CNGB1: variants seen among roughly 807,000 people sequenced by gnomAD.
CNGB1 encodes the protein cyclic nucleotide gated channel subunit beta 1, also known as cyclic nucleotide-gated channel beta-1.
In CNGB1, 126 loss-of-function variants were observed where a neutral mutation model predicts 151.7. The ratio of observed to expected loss-of-function variants is 0.83; its 90% CI spans 0.72 to 0.96. The LOEUF is 0.96. CNGB1 is among the 40% of genes least tolerant of loss of function. The probability of loss-of-function intolerance (pLI) is 0.00; values close to 1 mark genes in which losing one functional copy is unlikely to be tolerated. For missense variants in CNGB1, 1,698 were observed against 1,627.0 expected, an observed-to-expected ratio of 1.04 and a Z score of -0.75; for synonymous variants, 623 against 635.1, an observed-to-expected ratio of 0.98 and a Z score of 0.29.
chr16:57,917,612 G>C, intron 20 of CNGB1, 136 bp from the exon 21 acceptor site: 3 of 706,450 alleles, frequency 4.2e-6, no homozygotes, highest in Non-Finnish European at 7.5e-6. Flanking sequence ...GTGTATGTGT[G>C]TGTGTGTGTA....
intron 16 of CNGB1, among the ~76,000 whole-genome samples, chr16:57,938,813 A>G (rs1027734136): frequency 6.6e-6 from 1 of 152,174 alleles, no homozygotes; most frequent in African/African-American, 2.4e-5. Context: ...TCCAGGGTCC[A>G]GCTGTTGCTG....
intron 16 of CNGB1, among the ~76,000 whole-genome samples, chr16:57,932,665 C>T (rs1378904981): frequency 8.2e-5 from 12 of 146,864 alleles, no homozygotes; most frequent in Admixed American, 6.8e-4. Flanking sequence ...TTGCAAGCTC[C>T]GCCTCCCAGG....
At chr16:57,905,335 C>T (rs532265062) in intron 25 of CNGB1, among the ~76,000 whole-genome samples, 2 of 151,538 alleles carry the variant, frequency 1.3e-5, no homozygotes, top group Admixed American at 1.3e-4. Context: ...TTCTGACCCG[C>T]CCCTACCCGG....
At position 57,923,322 on chromosome 16, in the gene CNGB1, C is replaced by T; in HGVS notation, c.1594G>A (p.Glu532Lys). ...TCAGACCAGGCAACCACTGGGGACT[C>T]TGCTGGTGACAACGCCTTGAGCTCT... ...AEELKALSPA[E>K]SPVVAWSDPT... The change falls in exon 18 of 33, where the codon GAG becomes AAG. Residue 532 changes from glutamate to lysine, a missense_variant. Transcript: ENST00000251102. 6.2e-7 allele frequency: 1 copy of T among 1,613,276 alleles called. No homozygotes were observed. Among genetic ancestry groups the T allele is most frequent in the Non-Finnish European group, 8.5e-7 (1 of 1,179,740 alleles).
At chr16:57,965,629 CAT>C (rs1252210902) in intron 2 of CNGB1, among the ~76,000 whole-genome samples, 2 of 151,880 alleles carry the variant, frequency 1.3e-5, no homozygotes, top group Non-Finnish European at 2.9e-5. Flanking sequence ...TATATATACA[CAT>C]GTGGAGACAG....
rs907059172 is a variant in CNGB1, at chr16:57,936,558, C to T, written c.1372+2872G>A. ...CTGTAATCCCAGCACTTTGGGAGGC[C>T]GAGGTGGGCAGATCATTTGATATCA... On this transcript the variant is annotated intron_variant, in intron 16 of 32. Transcript: ENST00000251102. 2.0e-5 allele frequency among the ~76,000 whole-genome samples: 3 copies of T among 152,176 alleles called. No individual in the cohort carries two copies. In the East Asian group the frequency reaches 5.8e-4, roughly 29 times the overall value.
At chr16:57,896,713 AAAATAAAT>A (rs3038249) in intron 31 of CNGB1, among the ~76,000 whole-genome samples, 8,064 of 136,962 alleles carry the variant, frequency 0.059, 267 homozygotes, top group Admixed American at 0.092. Flanking sequence ...ACTCTGTCTC[AAAATAAAT>A]AAATAAATAA....
In CNGB1 at chr16:57,901,400, C is replaced by T. The variant is rs1484699534; in HGVS notation, c.2928G>A (p.Lys976=). 11 of 1,614,070 alleles carry T rather than the reference C, an allele frequency of 6.8e-6. No individual in the cohort carries two copies. Among genetic ancestry groups the T allele is most frequent in the Non-Finnish European group, 9.3e-6 (11 of 1,180,048 alleles). Residue 976 remains lysine (K), a synonymous_variant, in exon 29 of 33, where the codon AAG becomes AAA. Transcript: ENST00000251102. ...CDRQMIFDML[K]RLRSVVYLPN... The stretch of plus-strand genomic sequence containing the variant: ...GCAGGTAGACAACAGAGCGAAGCCT[C>T]TTCAGCATGTCAAAGATCATCTGCC...
intron 13 of CNGB1, among the ~76,000 whole-genome samples, 183 bp from the exon 14 acceptor site, chr16:57,949,622 C>T (rs1156801089): frequency 7.2e-5 from 11 of 152,208 alleles, no homozygotes; most frequent in Admixed American, 7.2e-4. Flanking sequence ...AACAAACCCT[C>T]TCCTCTGCAT....
At chr16:57,941,633 T>G (rs1453527650) in intron 14 of CNGB1, among the ~76,000 whole-genome samples, 1 of 152,154 alleles carries the variant, frequency 6.6e-6, no homozygotes, top group Admixed American at 6.5e-5. Context: ...GAAAAAGTAA[T>G]TGACAACATT....
In CNGB1 at chr16:57,959,588, C is replaced by T. The variant is rs141680914; in HGVS notation, c.761+300G>A. On this transcript the variant is annotated intron_variant, in intron 10 of 32. Coordinates refer to ENST00000251102, the MANE Select transcript of CNGB1 (RefSeq NM_001297.5). The stretch of plus-strand genomic sequence containing the variant: ...CTGCATTCCAGCCTAGGAGACAGAG[C>T]GAGACTCGGTCTCAAAAAAACAAAC... Among the ~76,000 whole-genome samples the T allele has an allele frequency of 3.1e-3, 447 of 145,950 alleles. 1 individual carries two copies. Among genetic ancestry groups the T allele is most frequent in the African/African-American group, 0.011 (420 of 39,956 alleles).
chr16:57,892,926 T>C (rs1191559731), intron 31 of CNGB1, among the ~76,000 whole-genome samples: 3 of 152,160 alleles, frequency 2.0e-5, no homozygotes, highest in African/African-American at 7.2e-5. Flanking sequence ...TGGCTTTGTG[T>C]TTCCTCGTAG....
rs1960722530 is a variant in CNGB1 at position 57,911,801 on chromosome 16, T to C, written c.2444A>G (p.Tyr815Cys). ...CCAGTGAGTGGAGCCGAGGCCCTGA[T>C]AGGCCGATGCCCAGTAATAAAGACA... is the stretch of plus-strand genomic sequence containing the variant. ...NSCLYYWASA[Y>C]QGLGSTHWVY... Residue 815 changes from tyrosine to cysteine, a missense_variant, in exon 25 of 33, where the codon TAT becomes TGT. Transcript: ENST00000251102. 1 of 1,614,090 alleles carries C rather than the reference T, an allele frequency of 6.2e-7. No individual in the cohort carries two copies. Among genetic ancestry groups the C allele is most frequent in the Middle Eastern group, 1.7e-4 (1 of 6,058 alleles).
intron 17 of CNGB1, among the ~76,000 whole-genome samples, chr16:57,928,571 T>A (rs1328108628): frequency 1.3e-5 from 2 of 152,258 alleles, no homozygotes; most frequent in East Asian, 1.9e-4. Context: ...AAAAACACCA[T>A]CTTGGGTGGT....
At position 57,887,816 on chromosome 16, in the gene CNGB1, T is replaced by C. The variant is rs1959972500; in HGVS notation, c.3462+39A>G. ...CCCTTGGCCTTCTCCCTGACACATA[T>C]TGAAATGAACGTGGTGGCTGGGTTC... On this transcript the variant is annotated intron_variant, in intron 32 of 32. Transcript: ENST00000251102. 5 of 1,601,110 alleles carry C rather than the reference T, an allele frequency of 3.1e-6. No homozygotes were observed. The South Asian group carries it at 3.3e-5, about 11-fold the overall frequency.
intron 31 of CNGB1, among the ~76,000 whole-genome samples, chr16:57,896,334 A>T (rs1806842214): frequency 6.6e-6 from 1 of 152,192 alleles, no homozygotes; most frequent in South Asian, 2.1e-4. Flanking sequence ...CTCACTTCTG[A>T]GTTCTTCCTG....
chr16:57,945,694 G>A (rs909265534), intron 14 of CNGB1, among the ~76,000 whole-genome samples: 1 of 152,218 alleles, frequency 6.6e-6, no homozygotes, highest in African/African-American at 2.4e-5. Flanking sequence ...CCAGCTCTAC[G>A]CTTACTGGCA....
At chr16:57,884,750 T>G (rs1333744103) in intron 32 of CNGB1, among the ~76,000 whole-genome samples, 2 of 152,124 alleles carry the variant, frequency 1.3e-5, no homozygotes, top group African/African-American at 4.8e-5. Flanking sequence ...TTGTTTCAAG[T>G]TCAGGGCCCC....
chr16:57,940,106 T>C, intron 15 of CNGB1, 128 bp downstream of exon 15: 2 of 933,618 alleles, frequency 2.1e-6, no homozygotes, highest in Admixed American at 4.0e-5. Flanking sequence ...CCCGCCACCC[T>C]GCTCCCTCTG....
Sources: allele counts gnomAD v4.1 joint callset (sites outside exome capture counted in the v4.1 genomes callset), GRCh38; gene constraint gnomAD v4.1.1; transcripts MANE v1.5; gene names NCBI Gene and HGNC (gene_info 2026-07-23, HGNC 2026-07-21).